CROCC2: variants seen among roughly 807,000 people sequenced by gnomAD.
CROCC2 encodes the protein ciliary rootlet coiled-coil, rootletin family member 2.
CROCC2 carries 163 observed loss-of-function variants against 177.6 expected under a neutral mutation model. The ratio of observed to expected loss-of-function variants is 0.92; its 90% CI spans 0.81 to 1.05. The LOEUF (loss-of-function observed/expected upper bound fraction) is 1.05, where lower values mean the gene tolerates loss of function less well. Ranked by LOEUF, CROCC2 falls within the 50% of genes least tolerant of loss-of-function variation. CROCC2 has a pLI of 0.00. For missense variants in CROCC2, 1,929 were observed against 1,797.8 expected (o/e 1.07, Z -1.32); for synonymous variants, 904 against 787.3 (o/e 1.15, Z -2.48).
chr2:240,925,462 G>A (rs1296514712), intron 4 of CROCC2, among the ~76,000 whole-genome samples: 1 of 152,210 alleles, frequency 6.6e-6, no homozygotes, highest in Admixed American at 6.5e-5. Context: ...GGAGAGCTCG[G>A]GGCAGGGGCA....
rs1194674302 is a variant in CROCC2 at position 240,960,074 on chromosome 2, T to C, written c.3087+630T>C. Among the ~76,000 whole-genome samples the C allele has an allele frequency of 6.6e-6, 1 of 152,230 alleles. No individual in the cohort carries two copies. Among genetic ancestry groups the C allele is most frequent in the Non-Finnish European group, 1.5e-5 (1 of 68,038 alleles). ...AGTGGAGTCAGGAAGGGCCTGACTC[T>C]GGAGGCACTGGGGCAGCTGTCGCCT... On this transcript the variant is annotated intron_variant, in intron 20 of 31. Transcript: ENST00000690015. The surrounding 1 kb of genome is among the most constrained non-coding windows in gnomAD (Gnocchi z 5.0).
At chr2:240,932,263 G>A (rs2059436578) in intron 7 of CROCC2, 55 bp from the exon 8 acceptor site, 1 of 676,950 alleles carries the variant, frequency 1.5e-6, no homozygotes, top group Non-Finnish European at 2.8e-6. Context: ...GGCATGCTTG[G>A]GTGCCCGTCC....
In CROCC2 at chr2:240,972,290, G is replaced by A. The variant is rs1395555077; in HGVS notation, c.4401+4028G>A. Among the ~76,000 whole-genome samples, 1 of 152,162 alleles carries A rather than the reference G, an allele frequency of 6.6e-6. No individual in the cohort carries two copies. The highest frequency in any genetic ancestry group is 2.4e-5 in the African/African-American group (1 of 41,432). ...TCCTGCAGCCACAGGGAGCCATGGG[G>A]AATATGGGGAGCCAGCAGTGGAGTT... On this transcript the variant is annotated intron_variant, in intron 27 of 31. Transcript: ENST00000690015. The surrounding 1 kb of genome is among the most constrained non-coding windows in gnomAD (Gnocchi z 7.1).
chr2:240,992,954 T>TC, intron 31 of CROCC2, 112 bp from the exon 32 acceptor site: 1 of 660,890 alleles, frequency 1.5e-6, no homozygotes, highest in South Asian at 1.7e-5. Context: ...AGTTCAAGGT[T>TC]CCCAGTTGTG....
intron 14 of CROCC2, among the ~76,000 whole-genome samples, chr2:240,943,301 C>A (rs1234221076): frequency 6.6e-6 from 1 of 151,970 alleles, no homozygotes; most frequent in Non-Finnish European, 1.5e-5. Context: ...GCCAGCAGTA[C>A]CATTTTTTAA....
chr2:240,927,906 C>T (rs2059404062), intron 5 of CROCC2, among the ~76,000 whole-genome samples: 5 of 152,266 alleles, frequency 3.3e-5, no homozygotes. Context: ...CTGCCTCAGC[C>T]TCCCAAAATG....
intron 28 of CROCC2, chr2:240,986,063 G>C (rs2059838778): frequency 2.4e-6 from 1 of 421,394 alleles, no homozygotes; most frequent in Non-Finnish European, 4.9e-6. Context: ...GGGCTTCAGG[G>C]CTGGACACTG....
chr2:240,927,737 G>A (rs537304560), intron 5 of CROCC2, among the ~76,000 whole-genome samples: 25 of 152,172 alleles, frequency 1.6e-4, no homozygotes, highest in Admixed American at 3.9e-4. Context: ...TGCAACCTCC[G>A]CCTCCCGGGT....
intron 28 of CROCC2, chr2:240,985,794 C>CACTCCACACAAACCCAGG (rs2059837301): frequency 3.1e-6 from 1 of 324,682 alleles, no homozygotes; most frequent in African/African-American, 2.7e-5. Context: ...ACCCAGGCAC[C>CACTCCACACAAACCCAGG]CACTCCACAC....
intron 7 of CROCC2, among the ~76,000 whole-genome samples, chr2:240,931,465 T>C (rs776796119): frequency 6.2e-4 from 94 of 152,162 alleles, no homozygotes; most frequent in Non-Finnish European, 1.2e-3. Flanking sequence ...AGAGCTCACC[T>C]TAGGTAAATC....
chr2:240,966,769 C>G (rs1214747402), intron 25 of CROCC2, among the ~76,000 whole-genome samples: 1 of 152,168 alleles, frequency 6.6e-6, no homozygotes, highest in Non-Finnish European at 1.5e-5. Context: ...AAAGACCCCT[C>G]CGGTGGGGCC....
Position 240,960,307 on chromosome 2 carries a change from G to A in CROCC2, c.3087+863G>A, listed in dbSNP as rs1166197447. On this transcript the variant is annotated intron_variant, in intron 20 of 31. Transcript: ENST00000690015. The surrounding 1 kb of genome is among the most constrained non-coding windows in gnomAD (Gnocchi z 5.0). ...TGGGGCAGCAGGCAAGAAAATAAGT[G>A]GGTTAGTGGAGATTTCGGGGTGTGC... Among the ~76,000 whole-genome samples the A allele has an allele frequency of 1.3e-5, 2 of 152,154 alleles. No individual in the cohort carries two copies. Among genetic ancestry groups the A allele is most frequent in the African/African-American group, 4.8e-5 (2 of 41,440 alleles).
intron 7 of CROCC2, 56 bp from the exon 8 acceptor site, chr2:240,932,262 G>C (rs1442326993): frequency 5.9e-6 from 4 of 676,336 alleles, no homozygotes; most frequent in Non-Finnish European, 1.1e-5. Context: ...GGGCATGCTT[G>C]GGTGCCCGTC....
chr2:240,936,223 T>C (rs762331925), intron 14 of CROCC2, among the ~76,000 whole-genome samples: 1 of 152,200 alleles, frequency 6.6e-6, no homozygotes, highest in Non-Finnish European at 1.5e-5. Context: ...AATAAGTCAG[T>C]GTACAGTATC....
At chr2:240,914,204 C>A (rs62186584) in intron 1 of CROCC2, among the ~76,000 whole-genome samples, 1 of 152,120 alleles carries the variant, frequency 6.6e-6, no homozygotes, top group South Asian at 2.1e-4. Flanking sequence ...CACCCTTGTG[C>A]GCGAGTGGGG....
rs773121371 is a variant in CROCC2, at chr2:240,982,984, G to C, written c.4506G>C (p.Glu1502Asp). 6.6e-5 allele frequency: 102 copies of C among 1,550,534 alleles called. No individual in the cohort carries two copies. In the East Asian group the frequency reaches 8.3e-4, roughly 13 times the overall value. ...KLLEEQLTNL[E>D]HRCQKAEVSL... ...TGGAAGAACAGCTCACCAACTTGGA[G>C]CACAGGTGCCAGAAGGCTGAGGTAT... is the stretch of plus-strand genomic sequence containing the variant. Residue 1502 changes from glutamate (E) to aspartate (D), a missense_variant, in exon 28 of 32, where the codon GAG (glutamate) becomes GAC (aspartate). By Grantham distance (45) the Glu-to-Asp change is conservative (BLOSUM62 2). This residue lies in a region of CROCC2 where 388 missense variants were observed against 352.7 expected (regional missense o/e 1.10). Transcript: ENST00000690015. The surrounding 1 kb of genome is among the most constrained non-coding windows in gnomAD (Gnocchi z 4.7).
chr2:240,991,060 T>C (rs2059876132), intron 30 of CROCC2, 136 bp from the exon 31 acceptor site: 2 of 576,842 alleles, frequency 3.5e-6, no homozygotes, highest in South Asian at 3.0e-5. Context: ...TTCTGTCCCA[T>C]GCATGCCACC....
At chr2:240,926,034 C>A (rs1017568979) in intron 5 of CROCC2, among the ~76,000 whole-genome samples, 154 bp downstream of exon 5, 16 of 152,240 alleles carry the variant, frequency 1.1e-4, no homozygotes, top group African/African-American at 3.9e-4. Flanking sequence ...GTCCCCAACC[C>A]GGCTTGGCCA....
intron 1 of CROCC2, among the ~76,000 whole-genome samples, chr2:240,915,771 C>T (rs1430437980): frequency 6.6e-6 from 1 of 152,104 alleles, no homozygotes. Flanking sequence ...CTACCCCTAG[C>T]GTAGCTCCAC....
Sources: allele counts gnomAD v4.1 joint callset (sites outside exome capture counted in the v4.1 genomes callset), GRCh38; gene constraint gnomAD v4.1.1; regional missense constraint gnomAD v4.1.1; non-coding constraint Gnocchi (gnomAD v3.1); transcripts MANE v1.5; gene names NCBI Gene and HGNC (gene_info 2026-07-23, HGNC 2026-07-21).